KIF16B: variants seen among roughly 807,000 people sequenced by gnomAD.
The protein encoded by KIF16B is kinesin-like protein KIF16B.
Under a neutral mutation model 156.3 loss-of-function variants are expected in KIF16B, and 98 were observed. The observed-to-expected ratio is 0.63, with a 90% CI of 0.53 to 0.74. The LOEUF (loss-of-function observed/expected upper bound fraction) is 0.74, where lower values mean the gene tolerates loss of function less well. Ranked by LOEUF, KIF16B falls within the 30% of genes least tolerant of loss-of-function variation. The pLI is 0.00. For missense variants in KIF16B, 1,421 were observed against 1,606.5 expected (o/e 0.88, Z 1.97); for synonymous variants, 564 against 583.7 (o/e 0.97, Z 0.49).
intron 15 of KIF16B, among the ~76,000 whole-genome samples, chr20:16,422,740 G>A (rs550635302): frequency 3.0e-4 from 46 of 152,158 alleles, no homozygotes; most frequent in East Asian, 2.3e-3. Flanking sequence ...AAGTTTTACT[G>A]AAAGAAATAG....
At chr20:16,519,557 C>G (rs750151995) in intron 3 of KIF16B, among the ~76,000 whole-genome samples, 1 of 152,182 alleles carries the variant, frequency 6.6e-6, no homozygotes, top group Non-Finnish European at 1.5e-5. Flanking sequence ...TGTTAAGGTG[C>G]ACACAGAGAA....
intron 15 of KIF16B, among the ~76,000 whole-genome samples, chr20:16,421,695 CA>C (rs1600353076): frequency 6.6e-6 from 1 of 152,058 alleles, no homozygotes; most frequent in Non-Finnish European, 1.5e-5. Flanking sequence ...TGCATTGAAA[CA>C]AAGTCATCTC....
intron 12 of KIF16B, among the ~76,000 whole-genome samples, chr20:16,482,704 C>T (rs57738415): frequency 0.02 from 3,003 of 152,264 alleles, 103 homozygotes; most frequent in African/African-American, 0.069. Context: ...ATACAGGATT[C>T]CTGAGTCATA....
intron 22 of KIF16B, chr20:16,366,976 TTATTG>T: frequency 7.7e-7 from 1 of 1,293,196 alleles, no homozygotes; most frequent in Non-Finnish European, 9.8e-7. Flanking sequence ...TGTTTTTATT[TTATTG>T]TAGATATTTA....
chr20:16,559,448 T>C (rs373357295), intron 1 of KIF16B, among the ~76,000 whole-genome samples: 2 of 152,264 alleles, frequency 1.3e-5, no homozygotes, highest in South Asian at 2.1e-4. Context: ...TAAGAATGTT[T>C]CACACAGCTG....
chr20:16,324,541 G>A (rs1230481776), intron 24 of KIF16B, among the ~76,000 whole-genome samples: 1 of 152,032 alleles, frequency 6.6e-6, no homozygotes, highest in East Asian at 1.9e-4. Context: ...AGAGGAAAGA[G>A]TAATAAAGTC....
chr20:16,470,650 A>G (rs751344297), intron 12 of KIF16B, among the ~76,000 whole-genome samples: 3 of 149,506 alleles, frequency 2.0e-5, no homozygotes, highest in Admixed American at 1.3e-4. Flanking sequence ...TGCCCAGCAA[A>G]TTCTTTTTTT....
intron 22 of KIF16B, among the ~76,000 whole-genome samples, chr20:16,360,317 G>A (rs1262933005): frequency 6.6e-6 from 1 of 152,072 alleles, no homozygotes; most frequent in East Asian, 1.9e-4. Context: ...TGAGTATGTT[G>A]AGGTTTATAC....
chr20:16,486,888 G>A (rs550119796), intron 12 of KIF16B, among the ~76,000 whole-genome samples: 2 of 152,164 alleles, frequency 1.3e-5, no homozygotes, highest in African/African-American at 4.8e-5. Context: ...AGGAGAAATC[G>A]ATGACCATAA....
chr20:16,543,628 G>A (rs1298097625), intron 1 of KIF16B, among the ~76,000 whole-genome samples: 1 of 152,082 alleles, frequency 6.6e-6, no homozygotes, highest in East Asian at 1.9e-4. Context: ...AAACCATAAA[G>A]GACTAAATTT....
At chr20:16,348,330 G>A (rs1369707422) in intron 23 of KIF16B, among the ~76,000 whole-genome samples, 1 of 152,210 alleles carries the variant, frequency 6.6e-6, no homozygotes, top group African/African-American at 2.4e-5. Context: ...ACTTAGACCT[G>A]ACATGAACAT....
chr20:16,358,544 C>T (rs1041742925), intron 22 of KIF16B, among the ~76,000 whole-genome samples: 6 of 152,130 alleles, frequency 3.9e-5, no homozygotes, highest in African/African-American at 9.7e-5. Context: ...GTCTCTTGCC[C>T]GCTCTTCACC....
intron 1 of KIF16B, among the ~76,000 whole-genome samples, chr20:16,537,884 A>G (rs1418564815): frequency 6.6e-6 from 1 of 151,540 alleles, no homozygotes; most frequent in East Asian, 1.9e-4. Flanking sequence ...TTGTATTTTT[A>G]GTAGAGACGG....
rs118060286 is a variant in KIF16B at position 16,407,844 on chromosome 20, T to C, written c.1613-1388A>G. ...ATGTTTCAAAAACAAAATCTTTAGT[T>C]GGCAAGAGTTCAAAGTCTGGAGAGT... On this transcript the variant is annotated intron_variant, in intron 15 of 25. Transcript: ENST00000354981. 9.9e-4 allele frequency among the ~76,000 whole-genome samples: 151 copies of C among 152,276 alleles called. No homozygotes were observed. The East Asian group carries it at 0.022, about 22-fold the overall frequency.
At chr20:16,380,289 G>C in intron 18 of KIF16B, 126 bp from the exon 19 acceptor site, 1 of 810,406 alleles carries the variant, frequency 1.2e-6, no homozygotes, top group Non-Finnish European at 1.7e-6. Flanking sequence ...AAAAAAAGAA[G>C]AGTAACTGCT....
chr20:16,326,645 G>A (rs1453205391), intron 24 of KIF16B, among the ~76,000 whole-genome samples: 1 of 151,866 alleles, frequency 6.6e-6, no homozygotes, highest in Non-Finnish European at 1.5e-5. Context: ...TGCAAGGATG[G>A]CCATAATTTA....
At chr20:16,515,863 A>C (rs892154048) in intron 3 of KIF16B, among the ~76,000 whole-genome samples, 199 bp from the exon 4 acceptor site, 5 of 152,246 alleles carry the variant, frequency 3.3e-5, no homozygotes, top group Non-Finnish European at 5.9e-5. Context: ...TAAGCAAACA[A>C]AAAGCAGCCC....
intron 18 of KIF16B, 150 bp downstream of exon 18, chr20:16,381,544 A>G (rs1336215996): frequency 7.1e-6 from 3 of 422,026 alleles, no homozygotes; most frequent in Admixed American, 4.5e-5. Context: ...AAAAAAAAAA[A>G]GACCTGCAGT....
intron 24 of KIF16B, among the ~76,000 whole-genome samples, chr20:16,313,898 T>C (rs1365667637): frequency 6.6e-6 from 1 of 152,244 alleles, no homozygotes; most frequent in African/African-American, 2.4e-5. Flanking sequence ...CTATGATCAC[T>C]TTCCTATAGA....
Sources: gnomAD v4.1 joint callset for allele counts (sites outside exome capture counted in the v4.1 genomes callset) on GRCh38, gnomAD v4.1.1 for gene constraint, MANE v1.5 for transcripts, NCBI Gene and HGNC (gene_info 2026-07-23, HGNC 2026-07-21) for gene names.